Variants in PRKG1 observed in about 807,000 individuals in gnomAD.
The protein encoded by PRKG1 is protein kinase cGMP-dependent 1, also known as cGMP-dependent protein kinase 1.
PRKG1 carries 35 observed loss-of-function variants against 88.1 expected under a neutral mutation model. The ratio of observed to expected loss-of-function variants is 0.40; its 90% CI spans 0.30 to 0.53. PRKG1 has a LOEUF of 0.53. PRKG1 is among the 20% of genes least tolerant of loss of function. The pLI, the probability that PRKG1 is intolerant of heterozygous loss-of-function variation, is 0.59. For synonymous variants in PRKG1, 303 were observed against 292.5 expected, an observed-to-expected ratio of 1.04 and a Z score of -0.37; for missense variants, 540 against 839.8, an observed-to-expected ratio of 0.64 and a Z score of 4.41.
intron 3 of PRKG1, among the ~76,000 whole-genome samples, chr10:51,783,121 T>C (rs1299569415): frequency 1.3e-5 from 2 of 152,104 alleles, no homozygotes; most frequent in African/African-American, 2.4e-5. Flanking sequence ...CCCCAATTAA[T>C]TAAATTGCCT....
intron 7 of PRKG1, among the ~76,000 whole-genome samples, chr10:52,133,347 T>C (rs889273652): frequency 6.6e-6 from 1 of 152,130 alleles, no homozygotes; most frequent in Non-Finnish European, 1.5e-5. Context: ...CTATGTGCCA[T>C]AAATTGCCAA....
chr10:51,933,482 G>A (rs1165461963), intron 5 of PRKG1, among the ~76,000 whole-genome samples: 1 of 151,952 alleles, frequency 6.6e-6, no homozygotes, highest in Non-Finnish European at 1.5e-5. Flanking sequence ...TTTTAATGGT[G>A]AACTTCAGGT....
intron 2 of PRKG1, among the ~76,000 whole-genome samples, chr10:51,349,474 G>GTA (rs1842190639): frequency 2.0e-5 from 3 of 149,708 alleles, no homozygotes; most frequent in South Asian, 2.1e-4. Context: ...GTGTGTGTGT[G>GTA]TGTGTGTGTA....
chr10:51,582,245 G>A (rs12251948), intron 3 of PRKG1, among the ~76,000 whole-genome samples: 4 of 152,062 alleles, frequency 2.6e-5, no homozygotes, highest in Non-Finnish European at 5.9e-5. Flanking sequence ...TATGTAAGCC[G>A]TGCTTGTTCT....
intron 5 of PRKG1, among the ~76,000 whole-genome samples, chr10:52,012,300 G>A (rs1844908582): frequency 6.7e-6 from 1 of 149,380 alleles, no homozygotes; most frequent in Non-Finnish European, 1.5e-5. Context: ...GGAGTAAAGT[G>A]GCACAATCTC....
At chr10:51,473,642 C>T (rs1260411812) in intron 3 of PRKG1, among the ~76,000 whole-genome samples, 1 of 151,744 alleles carries the variant, frequency 6.6e-6, no homozygotes, top group Non-Finnish European at 1.5e-5. Flanking sequence ...ACATTGAATA[C>T]TTTGAATATT....
At chr10:51,807,287 G>C (rs543437842) in intron 4 of PRKG1, among the ~76,000 whole-genome samples, 2 of 152,236 alleles carry the variant, frequency 1.3e-5, no homozygotes, top group East Asian at 3.9e-4. Context: ...TGACAGCACA[G>C]CATTAAATCA....
At chr10:51,217,639 T>C (rs1838406516) in intron 2 of PRKG1, among the ~76,000 whole-genome samples, 1 of 152,166 alleles carries the variant, frequency 6.6e-6, no homozygotes, top group Non-Finnish European at 1.5e-5. Flanking sequence ...TTAGGAATAA[T>C]TTTCCTGTGG....
At chr10:51,906,163 G>GGT (rs1255533260) in intron 4 of PRKG1, among the ~76,000 whole-genome samples, 1 of 152,114 alleles carries the variant, frequency 6.6e-6, no homozygotes, top group Non-Finnish European at 1.5e-5. Flanking sequence ...CCTGGAGAAA[G>GGT]GTGTGTGTAT....
chr10:51,115,697 C>T lies in PRKG1; in HGVS notation c.312-37467C>T, dbSNP rs563158821. On this transcript the variant is annotated intron_variant, in intron 1 of 17. Transcript: ENST00000373980. Reference sequence around the variant, plus strand: ...TATTAAAAATACAAAAATTAGCCAGCGTGGTGACGCGCACCTGTAGTCCCA... The same window carrying T: ...TATTAAAAATACAAAAATTAGCCAGTGTGGTGACGCGCACCTGTAGTCCCA... 3.9e-3 allele frequency among the ~76,000 whole-genome samples: 584 copies of T among 151,572 alleles called. 2 individuals are homozygous for T. Among genetic ancestry groups the T allele is most frequent in the African/African-American group, 0.014 (563 of 41,338 alleles).
intron 9 of PRKG1, among the ~76,000 whole-genome samples, chr10:52,246,811 G>T (rs1841034154): frequency 6.8e-6 from 1 of 146,024 alleles, no homozygotes; most frequent in Admixed American, 7.2e-5. Context: ...TGGAGGCAGA[G>T]GTTGCAGTGA....
At chr10:52,130,306 T>C (rs2126759) in intron 7 of PRKG1, among the ~76,000 whole-genome samples, 25,706 of 152,214 alleles carry the variant, frequency 0.17, 2,585 homozygotes, top group South Asian at 0.28. Flanking sequence ...TTTGATATTT[T>C]CCCCAATCTA....
intron 3 of PRKG1, among the ~76,000 whole-genome samples, chr10:51,758,958 G>T (rs1218048703): frequency 6.7e-6 from 1 of 148,248 alleles, no homozygotes; most frequent in Non-Finnish European, 1.5e-5. Context: ...TTGGTTTTCT[G>T]TTCCTATGTT....
At chr10:52,141,621 G>A (rs1203548671) in intron 8 of PRKG1, among the ~76,000 whole-genome samples, 2 of 152,106 alleles carry the variant, frequency 1.3e-5, no homozygotes, top group Non-Finnish European at 2.9e-5. Flanking sequence ...AATCTGTTAA[G>A]CCACAAACTT....
At chr10:51,533,158 G>T (rs927103824) in intron 3 of PRKG1, among the ~76,000 whole-genome samples, 1 of 152,090 alleles carries the variant, frequency 6.6e-6, no homozygotes, top group Non-Finnish European at 1.5e-5. Flanking sequence ...TCTTGCAATG[G>T]AAAGTTAATC....
chr10:51,459,781 T>A (rs1166565099), intron 2 of PRKG1, among the ~76,000 whole-genome samples: 1 of 152,138 alleles, frequency 6.6e-6, no homozygotes, highest in East Asian at 1.9e-4. Flanking sequence ...AGCTTAGAAA[T>A]TTCTGTAATT....
chr10:51,832,331 A>G (rs1840024814), intron 4 of PRKG1, among the ~76,000 whole-genome samples: 1 of 152,206 alleles, frequency 6.6e-6, no homozygotes, highest in African/African-American at 2.4e-5. Flanking sequence ...TTCATGTGCC[A>G]GGTGCATATA....
chr10:51,030,321 T>C (rs1843267141), intron 1 of PRKG1, among the ~76,000 whole-genome samples: 1 of 152,178 alleles, frequency 6.6e-6, no homozygotes, highest in African/African-American at 2.4e-5. Context: ...TATCTAAATA[T>C]GTGAATCATT....
chr10:51,758,312 C>T (rs1018207982), intron 3 of PRKG1, among the ~76,000 whole-genome samples: 1 of 152,084 alleles, frequency 6.6e-6, no homozygotes, highest in African/African-American at 2.4e-5. Flanking sequence ...AATACCAGTT[C>T]ATTGCAGAAA....
Sources: gnomAD v4.1 joint callset for allele counts (sites outside exome capture counted in the v4.1 genomes callset) on GRCh38, gnomAD v4.1.1 for gene constraint, MANE v1.5 for transcripts, NCBI Gene and HGNC (gene_info 2026-07-23, HGNC 2026-07-21) for gene names.